The following GALNT13 variants were observed in gnomAD, a reference collection of about 807,000 sequenced individuals.
GALNT13 encodes the protein polypeptide N-acetylgalactosaminyltransferase 13.
Under a neutral mutation model 64.2 loss-of-function variants are expected in GALNT13, and 28 were observed. The observed-to-expected ratio is 0.44, with a 90% confidence interval of 0.32 to 0.60. The LOEUF (loss-of-function observed/expected upper bound fraction) is 0.60. Among genes scored for constraint, GALNT13 ranks in the 20% least tolerant of loss-of-function variants. The pLI, the probability that GALNT13 is intolerant of heterozygous loss-of-function variation, is 0.05. For synonymous variants in GALNT13, 214 were observed against 224.6 expected (o/e 0.95, Z 0.42); for missense variants, 577 against 669.8 (o/e 0.86, Z 1.53).
chr2:154,338,978 A>G (rs1695606956), intron 9 of GALNT13, among the ~76,000 whole-genome samples: 1 of 152,154 alleles, frequency 6.6e-6, no homozygotes, highest in Non-Finnish European at 1.5e-5. Flanking sequence ...TGATATTTCT[A>G]AATCCTGAGC....
chr2:153,435,286 G>A, the GALNT13 span, among the ~76,000 whole-genome samples: 1 of 152,234 alleles, frequency 6.6e-6, no homozygotes, highest in African/African-American at 2.4e-5. Flanking sequence ...TGTTCTTTTG[G>A]CTTAGGATTG....
At chr2:154,112,741 G>A (rs1318928946) in intron 3 of GALNT13, among the ~76,000 whole-genome samples, 1 of 152,210 alleles carries the variant, frequency 6.6e-6, no homozygotes, top group Non-Finnish European at 1.5e-5. Flanking sequence ...CTGTAGTGTT[G>A]CAGCTGTTCA....
the GALNT13 span, among the ~76,000 whole-genome samples, chr2:153,628,276 T>G: frequency 1.3e-5 from 2 of 151,834 alleles, no homozygotes; most frequent in Admixed American, 1.3e-4. Flanking sequence ...AGATATACAA[T>G]CATGTCGTCT....
chr2:154,443,148 T>C (rs1559158016), intron 12 of GALNT13, among the ~76,000 whole-genome samples: 1 of 152,082 alleles, frequency 6.6e-6, no homozygotes, highest in Non-Finnish European at 1.5e-5. Context: ...CAATTTACCT[T>C]TTGAAGGTTG....
intron 9 of GALNT13, among the ~76,000 whole-genome samples, chr2:154,331,387 C>T (rs540712300): frequency 6.6e-6 from 1 of 152,148 alleles, no homozygotes; most frequent in Admixed American, 6.6e-5. Context: ...ACTGCAACCT[C>T]CAACTCCTGA....
At chr2:154,042,397 T>TG (rs1372698860) in intron 3 of GALNT13, among the ~76,000 whole-genome samples, 1 of 118,604 alleles carries the variant, frequency 8.4e-6, no homozygotes, top group Admixed American at 8.2e-5. Flanking sequence ...TTATAGTCAG[T>TG]GGGGGAAAAA....
chr2:153,854,041 T>A, the GALNT13 span, among the ~76,000 whole-genome samples: 1 of 151,630 alleles, frequency 6.6e-6, no homozygotes, highest in Non-Finnish European at 1.5e-5. Flanking sequence ...ATCTGTGAAG[T>A]CCATAGTATG....
At position 154,283,703 on chromosome 2, in the gene GALNT13, C is replaced by CTA. The variant is rs575495025; in HGVS notation, c.976-17702_976-17701dup. Among the ~76,000 whole-genome samples the CTA allele has an allele frequency of 8.9e-4, 135 of 152,056 alleles. 3 individuals are homozygous for CTA. The East Asian group carries it at 0.02, about 22-fold the overall frequency. On this transcript the variant is annotated intron_variant, in intron 8 of 12. Transcript: ENST00000392825. ...AAAATACACACACACATACACACAT[C>CTA]TATATGTGTGTGTGTGTATATACAC...
intron 4 of GALNT13, among the ~76,000 whole-genome samples, chr2:154,149,490 G>A (rs1683841752): frequency 1.3e-5 from 2 of 152,004 alleles, no homozygotes; most frequent in African/African-American, 4.8e-5. Context: ...TGATGGGGAT[G>A]GCATTGAATC....
the GALNT13 span, among the ~76,000 whole-genome samples, chr2:153,207,804 T>A: frequency 1.3e-5 from 2 of 152,178 alleles, no homozygotes; most frequent in African/African-American, 4.8e-5. Context: ...TGCTTTTATC[T>A]TTTGGTGTCT....
intron 8 of GALNT13, among the ~76,000 whole-genome samples, chr2:154,279,796 AT>A (rs1373746383): frequency 6.6e-6 from 1 of 152,062 alleles, no homozygotes; most frequent in East Asian, 1.9e-4. Context: ...TTACCAATTA[AT>A]TTTTTTAATA....
At chr2:153,299,253 A>C in the GALNT13 span, among the ~76,000 whole-genome samples, 5 of 152,348 alleles carry the variant, frequency 3.3e-5, no homozygotes, top group East Asian at 9.6e-4. Context: ...AATTATTTGC[A>C]ACGTTGTTTC....
At chr2:153,415,279 A>AGCCATGGTAGCTGG in the GALNT13 span, among the ~76,000 whole-genome samples, 2 of 152,170 alleles carry the variant, frequency 1.3e-5, no homozygotes, top group African/African-American at 4.8e-5. Flanking sequence ...CAATTGGTGG[A>AGCCATGGTAGCTGG]GCCATGGTAG....
the GALNT13 span, among the ~76,000 whole-genome samples, chr2:153,467,353 C>T: frequency 6.6e-6 from 1 of 151,964 alleles, no homozygotes; most frequent in African/African-American, 2.4e-5. Context: ...TGCGTATCCC[C>T]TATGTGAAAT....
the GALNT13 span, among the ~76,000 whole-genome samples, chr2:153,669,709 G>T: frequency 6.6e-6 from 1 of 152,078 alleles, no homozygotes; most frequent in Non-Finnish European, 1.5e-5. Context: ...GCCAAAGCAG[G>T]GTGGGGCATT....
In GALNT13 at chr2:154,052,798, A is replaced by G. The variant is rs576071911; in HGVS notation, c.143-87539A>G. 4.8e-5 allele frequency among the ~76,000 whole-genome samples: 7 copies of G among 144,336 alleles called. No individual in the cohort carries two copies. In the East Asian group the frequency reaches 1.0e-3, roughly 21 times the overall value. 94.7% of individuals were successfully genotyped at this position (144,336 alleles called of 152,430 possible). A position where few individuals can be genotyped will look rare whatever the true frequency, so the allele number is the denominator to read the frequency against. ...CTTGCCCAGGCTGGAGTGCAGTGGC[A>G]CGATCTTGGCTCACTGCAAGCTCCG... On this transcript the variant is annotated intron_variant, in intron 3 of 12. Coordinates refer to ENST00000392825, the MANE Select transcript of GALNT13 (RefSeq NM_052917.4).
intron 8 of GALNT13, among the ~76,000 whole-genome samples, chr2:154,282,828 T>G (rs759141027): frequency 6.6e-6 from 1 of 152,172 alleles, no homozygotes; most frequent in African/African-American, 2.4e-5. Flanking sequence ...ATCTTCATCT[T>G]GAGATGTTAT....
At chr2:154,013,299 G>C (rs906006500) in intron 3 of GALNT13, among the ~76,000 whole-genome samples, 2 of 91,444 alleles carry the variant, frequency 2.2e-5, no homozygotes, top group Non-Finnish European at 4.5e-5. Flanking sequence ...TTTGATTATG[G>C]AAGATTCCAG....
chr2:154,418,839 A>G (rs1379924746), intron 11 of GALNT13, among the ~76,000 whole-genome samples: 1 of 152,200 alleles, frequency 6.6e-6, no homozygotes, highest in East Asian at 1.9e-4. Flanking sequence ...GGAAACATAC[A>G]TGATTTCATC....
Sources: allele counts gnomAD v4.1 joint callset (sites outside exome capture counted in the v4.1 genomes callset), GRCh38; gene constraint gnomAD v4.1.1; transcripts MANE v1.5; gene names NCBI Gene and HGNC (gene_info 2026-07-23, HGNC 2026-07-21).